Variants in GPC5 observed in about 807,000 individuals in gnomAD.
GPC5 encodes glypican-5.
Under a neutral mutation model 53.9 loss-of-function variants are expected in GPC5, and 47 were observed. The observed-to-expected ratio is 0.87, with a 90% CI of 0.69 to 1.11. The LOEUF is 1.11. GPC5 is among the 50% of genes most tolerant of loss of function. The pLI is 0.00. For synonymous variants in GPC5, 286 were observed against 263.3 expected, an observed-to-expected ratio of 1.09 and a Z score of -0.84; for missense variants, 748 against 713.1, an observed-to-expected ratio of 1.05 and a Z score of -0.56.
At chr13:91,657,314 A>C (rs1446262695) in intron 2 of GPC5, among the ~76,000 whole-genome samples, 1 of 152,176 alleles carries the variant, frequency 6.6e-6, no homozygotes, top group Non-Finnish European at 1.5e-5. Flanking sequence ...GAGAAATCCA[A>C]GATGGTAGTC....
chr13:91,833,180 CAAGACTA>C (rs2038683268), intron 5 of GPC5, among the ~76,000 whole-genome samples: 1 of 152,048 alleles, frequency 6.6e-6, no homozygotes, highest in African/African-American at 2.4e-5. Flanking sequence ...TACACCCTCC[CAAGACTA>C]AACCAGGAAG....
chr13:91,658,384 A>G (rs1046686866), intron 2 of GPC5, among the ~76,000 whole-genome samples: 1 of 139,732 alleles, frequency 7.2e-6, no homozygotes, highest in African/African-American at 3.1e-5. Flanking sequence ...TTTTGGGGGA[A>G]TTTTTTGGGG....
intron 7 of GPC5, among the ~76,000 whole-genome samples, chr13:92,297,433 C>A (rs1236406017): frequency 1.5e-5 from 2 of 135,928 alleles, no homozygotes; most frequent in Admixed American, 7.4e-5. Context: ...CGTGGAGAAC[C>A]TTTATGTCTA....
chr13:92,064,627 G>A (rs1476457602), intron 6 of GPC5, among the ~76,000 whole-genome samples: 3 of 151,804 alleles, frequency 2.0e-5, no homozygotes, highest in Non-Finnish European at 4.4e-5. Context: ...GTGGTGGGGG[G>A]GCGCCTGTAA....
At chr13:91,548,017 A>C (rs2030397395) in intron 2 of GPC5, among the ~76,000 whole-genome samples, 1 of 152,178 alleles carries the variant, frequency 6.6e-6, no homozygotes, top group South Asian at 2.1e-4. Context: ...ATCATACTTA[A>C]TGAAGAGAAA....
intron 2 of GPC5, among the ~76,000 whole-genome samples, chr13:91,469,035 G>T (rs185268338): frequency 1.3e-5 from 2 of 151,330 alleles, no homozygotes; most frequent in African/African-American, 2.4e-5. Context: ...GCACCACCAT[G>T]CCTGGCCAAT....
chr13:92,617,217 G>T (rs543767154), intron 7 of GPC5, among the ~76,000 whole-genome samples: 3 of 152,086 alleles, frequency 2.0e-5, no homozygotes, highest in East Asian at 3.9e-4. Context: ...TTCTATCAGA[G>T]GTTGTCCGCT....
At chr13:92,508,239 G>A (rs1880443928) in intron 7 of GPC5, among the ~76,000 whole-genome samples, 1 of 152,176 alleles carries the variant, frequency 6.6e-6, no homozygotes. Context: ...TGGGATACCA[G>A]GCGTGAGCCA....
chr13:91,988,377 T>C (rs1220307185), intron 6 of GPC5, among the ~76,000 whole-genome samples: 1 of 152,148 alleles, frequency 6.6e-6, no homozygotes, highest in African/African-American at 2.4e-5. Context: ...GATCCCTGCA[T>C]ATGGAAGTCA....
chr13:92,034,359 A>T (rs1334154438), intron 6 of GPC5, among the ~76,000 whole-genome samples: 1 of 151,982 alleles, frequency 6.6e-6, no homozygotes, highest in Non-Finnish European at 1.5e-5. Flanking sequence ...TTAGCTCAGC[A>T]TGGTGGTGGA....
At chr13:92,529,097 T>C (rs1169354900) in intron 7 of GPC5, among the ~76,000 whole-genome samples, 1 of 152,170 alleles carries the variant, frequency 6.6e-6, no homozygotes, top group African/African-American at 2.4e-5. Flanking sequence ...AATCTTGCTT[T>C]TTAGAATACT....
intron 6 of GPC5, among the ~76,000 whole-genome samples, chr13:92,022,739 A>G (rs895093129): frequency 6.6e-6 from 1 of 152,054 alleles, no homozygotes; most frequent in Non-Finnish European, 1.5e-5. Context: ...AAATAACTTT[A>G]ATCTGTAAGT....
chr13:91,950,979 C>T (rs1195796343), intron 6 of GPC5, among the ~76,000 whole-genome samples: 1 of 152,124 alleles, frequency 6.6e-6, no homozygotes, highest in Non-Finnish European at 1.5e-5. Context: ...GCTATTACTA[C>T]TCCTCCAATG....
At chr13:91,524,724 T>C (rs1886005367) in intron 2 of GPC5, among the ~76,000 whole-genome samples, 1 of 152,188 alleles carries the variant, frequency 6.6e-6, no homozygotes, top group Non-Finnish European at 1.5e-5. Flanking sequence ...TGATAGGAGC[T>C]GAGGGCCACT....
chr13:92,546,229 C>CCT (rs2139008828), intron 7 of GPC5, among the ~76,000 whole-genome samples: 1 of 152,056 alleles, frequency 6.6e-6, no homozygotes, highest in Admixed American at 6.6e-5. Context: ...TCAAATTGTC[C>CCT]GCATTTGCAG....
At chr13:92,463,822 T>A (rs1412854295) in intron 7 of GPC5, among the ~76,000 whole-genome samples, 1 of 152,204 alleles carries the variant, frequency 6.6e-6, no homozygotes, top group Admixed American at 6.5e-5. Flanking sequence ...TATTCCAGTT[T>A]CCACTACTTT....
At chr13:92,117,525 G>T (rs1170371269) in intron 6 of GPC5, among the ~76,000 whole-genome samples, 1 of 152,098 alleles carries the variant, frequency 6.6e-6, no homozygotes. Flanking sequence ...AGAAATCCTT[G>T]TGGCATTTGA....
At chr13:91,853,598 C>T (rs1473256445) in intron 5 of GPC5, among the ~76,000 whole-genome samples, 1 of 151,894 alleles carries the variant, frequency 6.6e-6, no homozygotes, top group African/African-American at 2.4e-5. Flanking sequence ...GAAAGGTAGT[C>T]AGATTATTGT....
chr13:91,678,500 T>C (rs2035434103), intron 2 of GPC5, among the ~76,000 whole-genome samples: 1 of 152,148 alleles, frequency 6.6e-6, no homozygotes, highest in Admixed American at 6.5e-5. Context: ...CCAAGAACCA[T>C]GAAATGAAGA....
Sources: allele counts gnomAD v4.1 joint callset (sites outside exome capture counted in the v4.1 genomes callset), GRCh38; gene constraint gnomAD v4.1.1; transcripts MANE v1.5; gene names NCBI Gene and HGNC (gene_info 2026-07-23, HGNC 2026-07-21).